Variants in SLC44A5 observed in about 807,000 individuals in gnomAD.
SLC44A5 encodes choline transporter-like protein 5.
A neutral mutation model predicts 101.8 loss-of-function variants in SLC44A5; 57 were observed. The ratio of observed to expected loss-of-function variants is 0.56; its 90% CI spans 0.45 to 0.70. SLC44A5 has a LOEUF of 0.70. Ranked by LOEUF, SLC44A5 falls within the 30% of genes least tolerant of loss-of-function variation. SLC44A5 has a pLI of 0.00. For synonymous variants in SLC44A5, 281 were observed against 290.9 expected (o/e 0.97, Z 0.35); for missense variants, 737 against 853.1 (o/e 0.86, Z 1.70).
At chr1:75,582,135 C>A in intron 1 of SLC44A5, 1 of 748,404 alleles carries the variant, frequency 1.3e-6, no homozygotes, top group East Asian at 2.5e-5. Context: ...CAACTGGTCC[C>A]GAATATGGCA....
chr1:75,707,567 C>T, the SLC44A5 span, among the ~76,000 whole-genome samples: 18 of 152,192 alleles, frequency 1.2e-4, no homozygotes, highest in Non-Finnish European at 2.6e-4. Context: ...ACCTTCTGAC[C>T]TTTGAGAAGG....
At chr1:75,218,048 A>G (rs558343209) in intron 17 of SLC44A5, 88 bp from the exon 18 acceptor site, 3 of 865,084 alleles carry the variant, frequency 3.5e-6, no homozygotes, top group Admixed American at 2.2e-5. Flanking sequence ...AGTAAAAGGT[A>G]TCTGCAGAAG....
chr1:75,243,493 T>G (rs187061966), intron 7 of SLC44A5, among the ~76,000 whole-genome samples: 22 of 152,180 alleles, frequency 1.4e-4, no homozygotes, highest in African/African-American at 5.1e-4. Flanking sequence ...TAGTTACCAA[T>G]CTCTATTCTT....
chr1:75,625,645 T>C, the SLC44A5 span, among the ~76,000 whole-genome samples: 1 of 152,120 alleles, frequency 6.6e-6, no homozygotes, highest in Non-Finnish European at 1.5e-5. Flanking sequence ...ATCAGCAATT[T>C]TTGAGCCCCT....
intron 4 of SLC44A5, among the ~76,000 whole-genome samples, chr1:75,339,120 C>A (rs953617213): frequency 6.6e-6 from 1 of 152,164 alleles, no homozygotes; most frequent in Non-Finnish European, 1.5e-5. Context: ...GCACACGATG[C>A]ATTGGTGAAT....
intron 3 of SLC44A5, among the ~76,000 whole-genome samples, chr1:75,360,225 T>C (rs1325763447): frequency 1.3e-5 from 2 of 151,934 alleles, no homozygotes; most frequent in Non-Finnish European, 2.9e-5. Context: ...TTTGGGTTCA[T>C]ATCAAAAAAA....
At chr1:75,657,775 G>A in the SLC44A5 span, among the ~76,000 whole-genome samples, 8 of 152,030 alleles carry the variant, frequency 5.3e-5, no homozygotes, top group East Asian at 1.5e-3. Context: ...AACAAATAAA[G>A]TAAACATTAA....
chr1:75,679,440 A>T, the SLC44A5 span, among the ~76,000 whole-genome samples: 89 of 152,326 alleles, frequency 5.8e-4, no homozygotes, highest in Admixed American at 1.4e-3. Flanking sequence ...AAGCCAGAAG[A>T]GAGTGGGGGC....
chr1:75,654,762 TAAACAGCTTCCCCCCAA>T, the SLC44A5 span, among the ~76,000 whole-genome samples: 1 of 152,120 alleles, frequency 6.6e-6, no homozygotes, highest in Non-Finnish European at 1.5e-5. Flanking sequence ...TACATCAGCA[TAAACAGCTTCCCCCCAA>T]AACTTTTCCC....
At chr1:75,404,217 G>C (rs976165254) in intron 2 of SLC44A5, among the ~76,000 whole-genome samples, 1 of 152,010 alleles carries the variant, frequency 6.6e-6, no homozygotes, top group African/African-American at 2.4e-5. Flanking sequence ...ACCAACCTAC[G>C]TTTGATTGGT....
At position 75,300,607 on chromosome 1, in the gene SLC44A5, C is replaced by A; in HGVS notation, c.175+5G>T. On this transcript the variant is annotated splice_donor_5th_base_variant and intron_variant, in intron 5 of 23. Transcript: ENST00000370859. The stretch of plus-strand genomic sequence containing the variant: ...TAAATATTTTCTATACCTGTATTTA[C>A]TCACCCACAAGTCCTAAAACAATGT... The A allele has an allele frequency of 6.3e-7, 1 of 1,583,326 alleles. No homozygotes were observed. Among genetic ancestry groups the A allele is most frequent in the South Asian group, 1.1e-5 (1 of 87,284 alleles).
intron 2 of SLC44A5, among the ~76,000 whole-genome samples, chr1:75,540,455 A>C (rs1671298572): frequency 6.6e-6 from 1 of 152,214 alleles, no homozygotes; most frequent in Non-Finnish European, 1.5e-5. Flanking sequence ...TAACATGTTC[A>C]CAAGATCAGA....
chr1:75,354,000 A>G (rs1233679746), intron 3 of SLC44A5: 1 of 366,782 alleles, frequency 2.7e-6, no homozygotes, highest in South Asian at 2.1e-5. Flanking sequence ...GAAGGCCTGC[A>G]AATTAACACA....
chr1:75,540,646 C>T (rs1305960476), intron 2 of SLC44A5, among the ~76,000 whole-genome samples: 5 of 152,120 alleles, frequency 3.3e-5, no homozygotes, highest in Non-Finnish European at 5.9e-5. Flanking sequence ...AAAGCTGCTG[C>T]TTAACTTTAA....
chr1:75,214,642 T>C lies in SLC44A5; in HGVS notation c.1765A>G (p.Lys589Glu), dbSNP rs1646925793. The C allele has an allele frequency of 1.5e-5, 24 of 1,611,814 alleles. No homozygotes were observed. Among genetic ancestry groups the C allele is most frequent in the Non-Finnish European group, 2.0e-5 (24 of 1,178,828 alleles). ...CTCATCAGCAGATTGAAAGCATCTT[T>C]TGCTGACCTGCAGAAGTTTCTGCCA... ...IYGRNFCRSA[K>E]DAFNLLMRNV... Residue 589 changes from lysine to glutamate, a missense_variant, in exon 20 of 24, where the codon AAA (lysine) becomes GAA (glutamate). By Grantham distance (56) the Lys-to-Glu change is moderately conservative. Around this residue, in one of 3 missense-constraint regions of SLC44A5, gnomAD observed 665 missense variants for 764.4 expected, o/e 0.87. Coordinates refer to ENST00000370859, the MANE Select transcript of SLC44A5 (RefSeq NM_001130058.2).
chr1:75,638,377 T>C, the SLC44A5 span, among the ~76,000 whole-genome samples: 1,491 of 152,150 alleles, frequency 9.8e-3, 12 homozygotes, highest in Non-Finnish European at 0.015. Context: ...ATTCTTATAA[T>C]AACAAACACA....
chr1:75,463,968 A>T (rs1157764129), intron 2 of SLC44A5, among the ~76,000 whole-genome samples: 1 of 152,150 alleles, frequency 6.6e-6, no homozygotes, highest in Non-Finnish European at 1.5e-5. Flanking sequence ...CATGCCTGTA[A>T]TCCCAGCACT....
intron 3 of SLC44A5, among the ~76,000 whole-genome samples, chr1:75,376,390 A>G (rs893779569): frequency 6.6e-6 from 1 of 152,182 alleles, no homozygotes; most frequent in Admixed American, 6.5e-5. Context: ...GGCAGGGCAC[A>G]GACAAACAAA....
At chr1:75,668,256 GTTATAA>G in the SLC44A5 span, among the ~76,000 whole-genome samples, 1 of 134,196 alleles carries the variant, frequency 7.5e-6, no homozygotes, top group Admixed American at 7.8e-5. Flanking sequence ...CTATCAACTT[GTTATAA>G]TTATATTCCT....
Sources: gnomAD v4.1 joint callset for allele counts (sites outside exome capture counted in the v4.1 genomes callset) on GRCh38, gnomAD v4.1.1 for gene constraint, gnomAD v4.1.1 regional missense constraint, MANE v1.5 for transcripts, NCBI Gene and HGNC (gene_info 2026-07-23, HGNC 2026-07-21) for gene names.